CPO: variants seen among roughly 807,000 people sequenced by gnomAD.
CPO encodes the protein metallocarboxypeptidase C.
A neutral mutation model predicts 41.2 loss-of-function variants in CPO; 43 were observed. That is an observed-to-expected ratio of 1.04 (90% CI 0.82 to 1.35). The LOEUF is 1.35. CPO is among the 40% of genes most tolerant of loss of function. The probability of loss-of-function intolerance (pLI) is 0.00; values close to 1 mark genes in which losing one functional copy is unlikely to be tolerated. For synonymous variants in CPO, 178 were observed against 162.7 expected, an observed-to-expected ratio of 1.09 and a Z score of -0.72; for missense variants, 408 against 451.7, an observed-to-expected ratio of 0.90 and a Z score of 0.88.
intron 1 of CPO, among the ~76,000 whole-genome samples, chr2:206,949,154 G>T (rs1396584498): frequency 6.6e-6 from 1 of 151,716 alleles, no homozygotes; most frequent in African/African-American, 2.4e-5. Flanking sequence ...AGACTGTCAG[G>T]GTTTAAAGCC....
In CPO at chr2:206,962,547, C is replaced by G. The variant is rs763265458; in HGVS notation, c.710C>G (p.Ser237Cys). ...ATTTTGTGCTTCCTGACCATGCACT[C>G]TTATGGGCAGTTAATTCTCACACCT... ...DDILCFLTMH[S>C]YGQLILTPYG... The change falls in exon 7 of 9, where the codon TCT becomes TGT. Residue 237 changes from serine (S) to cysteine (C), a missense_variant. Transcript: ENST00000272852. The G allele has an allele frequency of 4.3e-6, 7 of 1,614,152 alleles. No individual in the cohort carries two copies. The Admixed American group carries it at 1.0e-4, about 23-fold the overall frequency.
chr2:206,967,977 G>A (rs999423827), intron 7 of CPO, among the ~76,000 whole-genome samples: 1 of 152,232 alleles, frequency 6.6e-6, no homozygotes, highest in African/African-American at 2.4e-5. Context: ...CTGTTTTAGA[G>A]AGGGAATATC....
In CPO at chr2:206,962,554, G is replaced by T; in HGVS notation, c.717G>T (p.Gly239=). The change falls in exon 7 of 9, where the codon GGG becomes GGT. Residue 239 remains glycine (G), a synonymous_variant. Transcript: ENST00000272852. ...GCTTCCTGACCATGCACTCTTATGG[G>T]CAGTTAATTCTCACACCTTACGGCT... The part of the protein sequence containing the change: ...ILCFLTMHSY[G]QLILTPYGYT... The T allele has an allele frequency of 6.2e-7, 1 of 1,614,052 alleles. No homozygotes were observed. The highest frequency in any genetic ancestry group is 2.2e-5 in the East Asian group (1 of 44,876).
intron 1 of CPO, among the ~76,000 whole-genome samples, chr2:206,944,169 G>C (rs1243431912): frequency 6.6e-6 from 1 of 151,954 alleles, no homozygotes; most frequent in Admixed American, 6.6e-5. Flanking sequence ...AATATAAAGT[G>C]CTTTGACCAG....
chr2:206,963,990 A>T (rs1360670271), intron 7 of CPO, among the ~76,000 whole-genome samples: 1 of 152,186 alleles, frequency 6.6e-6, no homozygotes, highest in Non-Finnish European at 1.5e-5. Context: ...ATTCTTGCCA[A>T]CACTTGTTAT....
In CPO at chr2:206,962,633, G is replaced by A. The variant is rs950859338; in HGVS notation, c.777+19G>A. Reference sequence around the variant, plus strand: ...AGAAATGGTGAGTCCATAGCACCAAGGCCTCCAGAAAAACCTCAGCAAGAC... The same window carrying A: ...AGAAATGGTGAGTCCATAGCACCAAAGCCTCCAGAAAAACCTCAGCAAGAC... On this transcript the variant is annotated intron_variant, in intron 7 of 8. Coordinates refer to ENST00000272852, the MANE Select transcript of CPO (RefSeq NM_173077.3). 4 of 1,600,840 alleles carry A rather than the reference G, an allele frequency of 2.5e-6. No individual in the cohort carries two copies. The highest frequency in any genetic ancestry group is 3.4e-6 in the Non-Finnish European group (4 of 1,168,956).
chr2:206,949,086 AAG>A (rs1553511068), intron 1 of CPO, among the ~76,000 whole-genome samples: 10 of 150,248 alleles, frequency 6.7e-5, no homozygotes, highest in Non-Finnish European at 1.0e-4. Context: ...AAAAAAAAAA[AAG>A]ATTAGTTCTC....
intron 1 of CPO, among the ~76,000 whole-genome samples, chr2:206,948,179 T>C (rs1396212572): frequency 1.3e-5 from 2 of 152,224 alleles, no homozygotes; most frequent in African/African-American, 4.8e-5. Context: ...AACCAGGGTG[T>C]TCTTCAGTAG....
chr2:206,942,653 T>A (rs1693051106), intron 1 of CPO, among the ~76,000 whole-genome samples: 3 of 152,152 alleles, frequency 2.0e-5, no homozygotes, highest in Non-Finnish European at 4.4e-5. Flanking sequence ...TATGAATTCC[T>A]GTTCAAAAAG....
intron 6 of CPO, 24 bp downstream of exon 6, chr2:206,960,966 A>G (rs757322802): frequency 1.4e-6 from 2 of 1,422,124 alleles, no homozygotes; most frequent in Non-Finnish European, 2.0e-6. Context: ...TAGTAGATGA[A>G]TTATGAACAA....
At chr2:206,947,607 A>G (rs2105820059) in intron 1 of CPO, among the ~76,000 whole-genome samples, 1 of 152,270 alleles carries the variant, frequency 6.6e-6, no homozygotes, top group African/African-American at 2.4e-5. Context: ...TAAGAAACAA[A>G]AAGACAAGCC....
intron 1 of CPO, 44 bp downstream of exon 1, chr2:206,939,711 T>G: frequency 6.6e-7 from 1 of 1,512,416 alleles, no homozygotes; most frequent in Non-Finnish European, 9.2e-7. Context: ...ATAATTTAGA[T>G]TGTCTAAATT....
At chr2:206,961,939 A>G (rs1401955173) in intron 6 of CPO, among the ~76,000 whole-genome samples, 1 of 147,210 alleles carries the variant, frequency 6.8e-6, no homozygotes, top group Non-Finnish European at 1.5e-5. Context: ...AAAAATACCA[A>G]AAAAAAAAAA....
At chr2:206,957,172 T>G (rs1001393834) in intron 3 of CPO, among the ~76,000 whole-genome samples, 6 of 151,218 alleles carry the variant, frequency 4.0e-5, no homozygotes, top group African/African-American at 2.4e-5. Flanking sequence ...GATCAGGAGA[T>G]CAAGACCATC....
rs75642567 is a variant in CPO at position 206,968,161 on chromosome 2, G to A, written c.778-102G>A. ...ATGTCCGATGGGAAGTTGGAAAGGT[G>A]GCCTAAAACTCTGGAGATGAATCTG... On this transcript the variant is annotated intron_variant, in intron 7 of 8. Transcript: ENST00000272852. 1,914 of 783,270 alleles carry A rather than the reference G, an allele frequency of 2.4e-3. 28 individuals carry two copies. The African/African-American group carries it at 0.028, about 12-fold the overall frequency. The allele number at this position is 783,270 out of a possible 1,614,324, so 48.5% of individuals were successfully genotyped here.
Position 206,959,511 on chromosome 2 carries a change from G to A in CPO, c.373-120G>A, listed in dbSNP as rs1280478394. ...GTAATAAGACACGGAGGAGGGCTTG[G>A]GGACTGGAGGGTGGAGGTGTGATGT... On this transcript the variant is annotated intron_variant, in intron 4 of 8. Transcript: ENST00000272852. 4.9e-6 allele frequency: 3 copies of A among 609,184 alleles called. No homozygotes were observed. In the East Asian group the frequency reaches 8.3e-5, roughly 17 times the overall value. The allele number at this position is 609,184 out of a possible 1,614,324, so 37.7% of individuals were successfully genotyped here.
chr2:206,958,644 G>A (rs1049770939), intron 4 of CPO, among the ~76,000 whole-genome samples: 3 of 148,448 alleles, frequency 2.0e-5, no homozygotes, highest in African/African-American at 7.4e-5. Context: ...ATATCTAAAT[G>A]TAGAAGAACA....
chr2:206,946,278 C>T (rs1301567463), intron 1 of CPO, among the ~76,000 whole-genome samples: 1 of 152,078 alleles, frequency 6.6e-6, no homozygotes, highest in African/African-American at 2.4e-5. Context: ...AAGAATTAGA[C>T]ACCACAACCA....
rs745904494 is a variant in CPO at position 206,969,235 on chromosome 2, G to C, written c.924G>C (p.Thr308=). The change falls in exon 9 of 9, where the codon ACG becomes ACC. Residue 308 remains threonine, a synonymous_variant. Transcript: ENST00000272852. ...ACATTGGGATTCCCTTCTCATATAC[G>C]TTTGAGCTGAGGGACAGTGGAACAT... is the stretch of plus-strand genomic sequence containing the variant. The part of the protein sequence containing the change: ...ARDIGIPFSY[T]FELRDSGTYG... 6.2e-7 allele frequency: 1 copy of C among 1,614,098 alleles called. No individual in the cohort carries two copies. The highest frequency in any genetic ancestry group is 8.5e-7 in the Non-Finnish European group (1 of 1,179,988).
Sources: allele counts gnomAD v4.1 joint callset (sites outside exome capture counted in the v4.1 genomes callset), GRCh38; gene constraint gnomAD v4.1.1; transcripts MANE v1.5; gene names NCBI Gene and HGNC (gene_info 2026-07-23, HGNC 2026-07-21).